Variants in AGTRAP observed in about 807,000 individuals in gnomAD.
AGTRAP encodes type-1 angiotensin II receptor-associated protein.
Under a neutral mutation model 15.2 loss-of-function variants are expected in AGTRAP, and 7 were observed. The observed-to-expected ratio is 0.46, with a 90% CI of 0.26 to 0.87. The LOEUF (loss-of-function observed/expected upper bound fraction) is 0.87. AGTRAP is among the 40% of genes least tolerant of loss of function. The probability of loss-of-function intolerance (pLI) is 0.15; values close to 1 mark genes in which losing one functional copy is unlikely to be tolerated. For missense variants in AGTRAP, 187 were observed against 213.4 expected (o/e 0.88, Z 0.77); for synonymous variants, 74 against 89.6 (o/e 0.83, Z 0.98).
At chr1:11,744,576 C>T in intron 1 of AGTRAP, 1 of 715,890 alleles carries the variant, frequency 1.4e-6, no homozygotes, top group Non-Finnish European at 2.6e-6. Flanking sequence ...CACGTGAGTC[C>T]CCACCGCTCC....
chr1:11,744,691 A>G (rs1353898297), intron 1 of AGTRAP: 2 of 606,132 alleles, frequency 3.3e-6, no homozygotes, highest in African/African-American at 1.9e-5. Context: ...CCAGACCCCA[A>G]GAGAGGGTTC....
rs1394115366 is a variant in AGTRAP at position 11,750,128 on chromosome 1, C to G, written c.416C>G (p.Ala139Gly). The change falls in exon 5 of 5, where the codon GCA becomes GGA. Residue 139 changes from alanine to glycine, a missense_variant. By Grantham distance (60) the Ala-to-Gly change is moderately conservative. Coordinates refer to ENST00000314340, the MANE Select transcript of AGTRAP (RefSeq NM_020350.5). ...AGTGCCTACCAGACGATTGACTCAGCAGAGGCGCCCGCAGATCCCTTTGCA... is the reference window on the plus strand; with the variant it reads ...AGTGCCTACCAGACGATTGACTCAGGAGAGGCGCCCGCAGATCCCTTTGCA... ...DRSAYQTIDS[A>G]EAPADPFAVP... is the part of the protein sequence containing the mutation. 2 of 1,614,004 alleles carry G rather than the reference C, an allele frequency of 1.2e-6. No individual in the cohort carries two copies. Among genetic ancestry groups the G allele is most frequent in the African/African-American group, 1.3e-5 (1 of 74,932 alleles).
rs1642297796 is a variant in AGTRAP at position 11,750,658 on chromosome 1, T to C, written c.*466T>C. 3.4e-6 allele frequency: 1 copy of C among 297,366 alleles called. No homozygotes were observed. Among genetic ancestry groups the C allele is most frequent in the Admixed American group, 4.8e-5 (1 of 21,040 alleles). The allele number at this position is 297,366 out of a possible 1,614,324, so 18.4% of individuals were successfully genotyped here. ...CCGTCCTTCTCACTGCCTGGTCACA[T>C]GGTGCCTAGGGATGCAGGGCTGGAG... On this transcript the variant is annotated 3_prime_UTR_variant, in exon 5 of 5. Coordinates refer to ENST00000314340, the MANE Select transcript of AGTRAP (RefSeq NM_020350.5).
At chr1:11,746,243 A>G (rs1642161167) in intron 2 of AGTRAP, 2 of 1,579,844 alleles carry the variant, frequency 1.3e-6, no homozygotes, top group African/African-American at 1.3e-5. Flanking sequence ...GTGAACTGTA[A>G]CCATCATGAT....
chr1:11,747,396 G>A (rs766985189), intron 2 of AGTRAP, 44 bp from the exon 3 acceptor site: 12 of 1,564,120 alleles, frequency 7.7e-6, no homozygotes, highest in South Asian at 3.3e-5. Context: ...GGTGACCTGC[G>A]GGGTGGTGGC....
At chr1:11,739,834 G>A (rs766447281) in intron 1 of AGTRAP, among the ~76,000 whole-genome samples, 1 of 152,210 alleles carries the variant, frequency 6.6e-6, no homozygotes, top group Non-Finnish European at 1.5e-5. Context: ...TACAGTGACC[G>A]TCCAGATAGA....
chr1:11,750,452 T>C lies in AGTRAP; in HGVS notation c.*260T>C, dbSNP rs1304376161. On this transcript the variant is annotated 3_prime_UTR_variant, in exon 5 of 5. Transcript: ENST00000314340. ...GGAACCAGGGTCTCTCTTTACCTCCTACCCCATGGTGGCACCACAGAGGCC... is the reference window on the plus strand; with the variant it reads ...GGAACCAGGGTCTCTCTTTACCTCCCACCCCATGGTGGCACCACAGAGGCC... 6.7e-6 allele frequency: 4 copies of C among 596,466 alleles called. No homozygotes were observed. In the East Asian group the frequency reaches 1.1e-4, roughly 17 times the overall value. The allele number at this position is 596,466 out of a possible 1,614,324, so 36.9% of individuals were successfully genotyped here. A position where few individuals can be genotyped will look rare whatever the true frequency, so the allele number is the denominator to read the frequency against.
chr1:11,749,995 G>A (rs917334746), intron 4 of AGTRAP, 82 bp from the exon 5 acceptor site: 240 of 1,110,746 alleles, frequency 2.2e-4, no homozygotes, highest in Non-Finnish European at 2.9e-4. Flanking sequence ...GGTGGCGGGG[G>A]TGGATCTTGG....
chr1:11,750,168 G>A lies in AGTRAP; in HGVS notation c.456G>A (p.Arg152=), dbSNP rs765399828. ...ATCCCTTTGCAGTCCCAGAGGGCAGGAGTCAAGATGCCCGAGGGTACTGAA... is the reference window on the plus strand; with the variant it reads ...ATCCCTTTGCAGTCCCAGAGGGCAGAAGTCAAGATGCCCGAGGGTACTGAA... The part of the protein sequence containing the change: ...PADPFAVPEG[R]SQDARGY Residue 152 remains arginine, a synonymous_variant, in exon 5 of 5, where the codon AGG becomes AGA. Coordinates refer to ENST00000314340, the MANE Select transcript of AGTRAP (RefSeq NM_020350.5). 21 of 1,613,646 alleles carry A rather than the reference G, an allele frequency of 1.3e-5. No individual in the cohort carries two copies. Among genetic ancestry groups the A allele is most frequent in the Non-Finnish European group, 1.7e-5 (20 of 1,179,966 alleles).
intron 1 of AGTRAP, among the ~76,000 whole-genome samples, chr1:11,739,211 G>A (rs1038402701): frequency 6.6e-6 from 1 of 152,044 alleles, no homozygotes; most frequent in Non-Finnish European, 1.5e-5. Flanking sequence ...CTACCTCCTA[G>A]GATGATGGAT....
chr1:11,737,601 G>A (rs964318199), intron 1 of AGTRAP, among the ~76,000 whole-genome samples: 1 of 152,148 alleles, frequency 6.6e-6, no homozygotes, highest in Non-Finnish European at 1.5e-5. Context: ...AAGGTCCCAC[G>A]GGGAGTAAGT....
intron 1 of AGTRAP, among the ~76,000 whole-genome samples, chr1:11,740,694 C>G (rs930290429): frequency 3.9e-5 from 6 of 152,120 alleles, no homozygotes; most frequent in Non-Finnish European, 7.4e-5. Flanking sequence ...AACTGCCATT[C>G]TTTCCGGAAT....
At chr1:11,749,981 C>T (rs1451085301) in intron 4 of AGTRAP, 96 bp from the exon 5 acceptor site, 17 of 923,402 alleles carry the variant, frequency 1.8e-5, no homozygotes, top group South Asian at 5.9e-5. Context: ...ATGCCCAGCC[C>T]GAGGGTGGCG....
At chr1:11,747,338 C>A in intron 2 of AGTRAP, 102 bp from the exon 3 acceptor site, 1 of 1,089,214 alleles carries the variant, frequency 9.2e-7, no homozygotes, top group Non-Finnish European at 1.4e-6. Context: ...GCCTCGAAGA[C>A]TATGGCATGT....
chr1:11,749,232 T>A (rs1642253359), intron 4 of AGTRAP, among the ~76,000 whole-genome samples: 2 of 152,234 alleles, frequency 1.3e-5, no homozygotes, highest in African/African-American at 4.8e-5. Flanking sequence ...TTGCCTGCTC[T>A]CTGACACCTC....
At chr1:11,747,921 A>G (rs1557705289) in intron 3 of AGTRAP, among the ~76,000 whole-genome samples, 1 of 152,110 alleles carries the variant, frequency 6.6e-6, no homozygotes, top group Admixed American at 6.5e-5. Flanking sequence ...CCAAGAGGGC[A>G]TTTCACTACT....
At chr1:11,747,973 AG>A (rs1449292969) in intron 3 of AGTRAP, among the ~76,000 whole-genome samples, 2 of 152,062 alleles carry the variant, frequency 1.3e-5, no homozygotes, top group Non-Finnish European at 1.5e-5. Context: ...AACCTCCCAC[AG>A]GGGGAGCTTC....
rs544416878 is a variant in AGTRAP, at chr1:11,748,468, C to T, written c.222C>T (p.Ile74=). Residue 74 remains isoleucine, a synonymous_variant, in exon 4 of 5, where the codon ATC becomes ATT. Transcript: ENST00000314340. ...TCCTGGACATCGTGCACATCAGCAT[C>T]TTCTACCCGCGGGTCAGCCTCACGG... is the stretch of plus-strand genomic sequence containing the variant. ...TIFLDIVHIS[I]FYPRVSLTDT... 1.2e-6 allele frequency: 2 copies of T among 1,613,910 alleles called. No individual in the cohort carries two copies. Among genetic ancestry groups the T allele is most frequent in the African/African-American group, 2.7e-5 (2 of 75,070 alleles).
chr1:11,750,576 C>G lies in AGTRAP; in HGVS notation c.*384C>G, dbSNP rs1642295632. 2.0e-6 allele frequency: 1 copy of G among 489,854 alleles called. No homozygotes were observed. Among genetic ancestry groups the G allele is most frequent in the Non-Finnish European group, 3.7e-6 (1 of 272,100 alleles). 30.3% of individuals were successfully genotyped at this position (489,854 alleles called of 1,614,324 possible). A position where few individuals can be genotyped will look rare whatever the true frequency, so the allele number is the denominator to read the frequency against. On this transcript the variant is annotated 3_prime_UTR_variant, in exon 5 of 5. Coordinates refer to ENST00000314340, the MANE Select transcript of AGTRAP (RefSeq NM_020350.5). ...AAGTTTGCTGGGCTTTGGTGGAAGC[C>G]CTGAGAGCTTCAGGTCCTGCTCAGC... is the stretch of plus-strand genomic sequence containing the variant.
Sources: allele counts gnomAD v4.1 joint callset (sites outside exome capture counted in the v4.1 genomes callset), GRCh38; gene constraint gnomAD v4.1.1; transcripts MANE v1.5; gene names NCBI Gene and HGNC (gene_info 2026-07-23, HGNC 2026-07-21).